Variants in VGLL4 observed in about 807,000 individuals in gnomAD.
VGLL4 encodes the protein vestigial like family member 4, also known as transcription cofactor vestigial-like protein 4.
Under a neutral mutation model 21.0 loss-of-function variants are expected in VGLL4, and 7 were observed. The ratio of observed to expected loss-of-function variants is 0.33; its 90% CI spans 0.19 to 0.63. The LOEUF (loss-of-function observed/expected upper bound fraction) is 0.63. Among genes scored for constraint, VGLL4 ranks in the 20% least tolerant of loss-of-function variants. VGLL4 has a pLI of 0.78. For synonymous variants in VGLL4, 222 were observed against 173.2 expected, an observed-to-expected ratio of 1.28 and a Z score of -2.21; for missense variants, 394 against 425.7, an observed-to-expected ratio of 0.93 and a Z score of 0.66.
chr3:11,689,770 C>T (rs924999621), intron 2 of VGLL4, among the ~76,000 whole-genome samples: 1 of 152,200 alleles, frequency 6.6e-6, no homozygotes, highest in African/African-American at 2.4e-5. Flanking sequence ...CCTGCAGGCT[C>T]CGTGTAAGAG....
At chr3:11,658,289 G>A (rs2075985454) in intron 2 of VGLL4, among the ~76,000 whole-genome samples, 1 of 151,704 alleles carries the variant, frequency 6.6e-6, no homozygotes, top group South Asian at 2.1e-4. Flanking sequence ...GCACCTGCAC[G>A]TTCAGGACTG....
At chr3:11,635,255 C>T (rs1162344398) in intron 1 of VGLL4, among the ~76,000 whole-genome samples, 1 of 152,092 alleles carries the variant, frequency 6.6e-6, no homozygotes, top group Non-Finnish European at 1.5e-5. Flanking sequence ...GGAACAAACA[C>T]AAGATTTAGG....
At chr3:11,633,272 T>C (rs1410037493) in intron 1 of VGLL4, 13 of 152,014 alleles carry the variant, frequency 8.6e-5, no homozygotes, top group Admixed American at 8.5e-4. Flanking sequence ...TCCCAGAAAT[T>C]AGAGTAAGCC....
At chr3:11,605,882 A>G (rs1327720538) in intron 1 of VGLL4, among the ~76,000 whole-genome samples, 1 of 152,262 alleles carries the variant, frequency 6.6e-6, no homozygotes, top group Non-Finnish European at 1.5e-5. Flanking sequence ...CTCTTACAAC[A>G]ATTAAAAAGA....
rs1174460048 is a variant in VGLL4 at position 11,565,888 on chromosome 3, G to A, written c.273-869C>T. Reference sequence around the variant, plus strand: ...TCCACCCTCCCTGCTTTATTCCAGGGGTCCCACAGTTCCATCTGCCTTGGG... The same window carrying A: ...TCCACCCTCCCTGCTTTATTCCAGGAGTCCCACAGTTCCATCTGCCTTGGG... On this transcript the variant is annotated intron_variant, in intron 2 of 4. Coordinates refer to ENST00000430365, the MANE Select transcript of VGLL4 (RefSeq NM_001128219.3). The surrounding 1 kb of genome is among the most constrained non-coding windows in gnomAD (Gnocchi z 4.1). 1.3e-5 allele frequency among the ~76,000 whole-genome samples: 2 copies of A among 152,138 alleles called. No homozygotes were observed. The highest frequency in any genetic ancestry group is 2.4e-5 in the African/African-American group (1 of 41,418).
chr3:11,632,545 G>T (rs1188787774), intron 1 of VGLL4, among the ~76,000 whole-genome samples: 3 of 152,092 alleles, frequency 2.0e-5, no homozygotes, highest in African/African-American at 7.2e-5. Context: ...AGATTCCAAA[G>T]AAATTTTCTG....
chr3:11,607,763 T>C (rs1221649673), intron 1 of VGLL4, among the ~76,000 whole-genome samples: 2 of 152,260 alleles, frequency 1.3e-5, no homozygotes, highest in African/African-American at 4.8e-5. Flanking sequence ...ACAAACCTTT[T>C]GTTATTACAG....
chr3:11,657,627 A>AC (rs2075976346), intron 2 of VGLL4, among the ~76,000 whole-genome samples: 1 of 152,138 alleles, frequency 6.6e-6, no homozygotes, highest in Non-Finnish European at 1.5e-5. Context: ...CTTCCGTAAA[A>AC]TGAAGAGATC....
intron 2 of VGLL4, among the ~76,000 whole-genome samples, chr3:11,567,579 C>T (rs1046101026): frequency 6.6e-6 from 1 of 152,216 alleles, no homozygotes; most frequent in Non-Finnish European, 1.5e-5. Context: ...CTGAAACCAG[C>T]CTGTCCATAA....
intron 2 of VGLL4, among the ~76,000 whole-genome samples, chr3:11,663,764 C>T (rs771787603): frequency 6.6e-6 from 1 of 152,080 alleles, no homozygotes; most frequent in African/African-American, 2.4e-5. Context: ...TATTGCTGTA[C>T]ACACTGAAGG....
chr3:11,677,848 T>G (rs1189507582), intron 2 of VGLL4, among the ~76,000 whole-genome samples: 3 of 141,018 alleles, frequency 2.1e-5, no homozygotes, highest in South Asian at 4.4e-4. Flanking sequence ...GAGGTTGCAG[T>G]GAGCTGAGAT....
intron 2 of VGLL4, among the ~76,000 whole-genome samples, chr3:11,655,398 C>T (rs772319171): frequency 8.5e-5 from 13 of 152,250 alleles, no homozygotes; most frequent in African/African-American, 3.1e-4. Flanking sequence ...TAGGGGGCGA[C>T]GTGAGCCCAC....
Position 11,568,631 on chromosome 3 carries a change from G to T in VGLL4, c.273-3612C>A. On this transcript the variant is annotated intron_variant, in intron 2 of 4. Coordinates refer to ENST00000430365, the MANE Select transcript of VGLL4 (RefSeq NM_001128219.3). This position sits in a 1 kb window ranked among gnomAD's most constrained non-coding sequence, Gnocchi z 5.9. ...TTTCCAGCTCATTTTCCTGGTTCCC[G>T]GAGCTTCAAGACAGACATTGTTTTC... 1 of 1,569,502 alleles carries T rather than the reference G, an allele frequency of 6.4e-7. No individual in the cohort carries two copies. The highest frequency in any genetic ancestry group is 2.3e-5 in the East Asian group (1 of 42,760).
intron 1 of VGLL4, among the ~76,000 whole-genome samples, chr3:11,626,793 G>A (rs1038772255): frequency 1.3e-5 from 2 of 152,170 alleles, no homozygotes; most frequent in Non-Finnish European, 2.9e-5. Context: ...GGCAAAGCCA[G>A]TCTTCCTAGC....
intron 2 of VGLL4, among the ~76,000 whole-genome samples, chr3:11,692,102 G>T (rs572218003): frequency 6.6e-6 from 1 of 152,072 alleles, no homozygotes; most frequent in East Asian, 1.9e-4. Context: ...AGGAAAATAT[G>T]GATCTCTAAG....
intron 1 of VGLL4, among the ~76,000 whole-genome samples, chr3:11,710,139 G>A (rs1159115199): frequency 6.6e-6 from 1 of 152,158 alleles, no homozygotes; most frequent in African/African-American, 2.4e-5. Context: ...CCAAGGGGAT[G>A]GCACTAAACC....
chr3:11,713,763 C>T (rs911925447), intron 1 of VGLL4, among the ~76,000 whole-genome samples: 7 of 151,972 alleles, frequency 4.6e-5, no homozygotes, highest in African/African-American at 1.4e-4. Flanking sequence ...AGGCTGGAGG[C>T]TGTATAGCAG....
chr3:11,616,572 T>C (rs2075167587), intron 1 of VGLL4, among the ~76,000 whole-genome samples: 2 of 152,158 alleles, frequency 1.3e-5, no homozygotes, highest in Non-Finnish European at 2.9e-5. Context: ...CCCAAAACGA[T>C]AGTGAAGTGG....
intron 2 of VGLL4, among the ~76,000 whole-genome samples, chr3:11,699,250 A>T (rs1463483986): frequency 6.6e-6 from 1 of 152,252 alleles, no homozygotes; most frequent in African/African-American, 2.4e-5. Context: ...GACTTTTCAC[A>T]CACTTACATA....
Sources: allele counts gnomAD v4.1 joint callset (sites outside exome capture counted in the v4.1 genomes callset), GRCh38; gene constraint gnomAD v4.1.1; non-coding constraint Gnocchi (gnomAD v3.1); transcripts MANE v1.5; gene names NCBI Gene and HGNC (gene_info 2026-07-23, HGNC 2026-07-21).